The following NEMF variants were observed in gnomAD, a reference collection of about 807,000 sequenced individuals.
NEMF encodes ribosome quality control complex subunit NEMF.
Under a neutral mutation model 162.2 loss-of-function variants are expected in NEMF, and 89 were observed. That is an observed-to-expected ratio of 0.55 (90% confidence interval 0.46 to 0.65). NEMF has a LOEUF of 0.65. Among genes scored for constraint, NEMF ranks in the 30% least tolerant of loss-of-function variants. NEMF has a pLI of 0.00. For missense variants in NEMF, 1,133 were observed against 1,261.9 expected, an observed-to-expected ratio of 0.90 and a Z score of 1.55; for synonymous variants, 421 against 404.5, an observed-to-expected ratio of 1.04 and a Z score of -0.49.
At chr14:49,787,586 G>C (rs4363775) in intron 28 of NEMF, among the ~76,000 whole-genome samples, 147,355 of 152,274 alleles carry the variant, frequency 0.97, 71,496 homozygotes, top group Middle Eastern at 1. Flanking sequence ...ATTCATGACA[G>C]AAGAGCCCTC....
rs528286502 is a variant in NEMF at position 49,838,849 on chromosome 14, G to A, written c.507-643C>T. On this transcript the variant is annotated intron_variant, in intron 5 of 32. Coordinates refer to ENST00000298310, the MANE Select transcript of NEMF (RefSeq NM_004713.6). ...TCCGCCCACCTTGGCCTCCCAAAGC[G>A]GTGGGATTACAGGCGTGAGACACCG... 5.3e-5 allele frequency among the ~76,000 whole-genome samples: 8 copies of A among 152,172 alleles called. No homozygotes were observed. The East Asian group carries it at 7.7e-4, about 15-fold the overall frequency.
chr14:49,790,606 G>T (rs1478315408), intron 26 of NEMF, among the ~76,000 whole-genome samples: 3 of 152,166 alleles, frequency 2.0e-5, no homozygotes, highest in Non-Finnish European at 4.4e-5. Flanking sequence ...CTGATTGACA[G>T]GATCTAATAA....
At chr14:49,800,313 T>A in intron 23 of NEMF, 107 bp downstream of exon 23, 2 of 845,772 alleles carry the variant, frequency 2.4e-6, no homozygotes, top group Non-Finnish European at 1.8e-6. Context: ...ATTAAGACAA[T>A]GGAGTGTAAA....
intron 3 of NEMF, among the ~76,000 whole-genome samples, chr14:49,846,858 A>G (rs2140028035): frequency 6.6e-6 from 1 of 152,332 alleles, no homozygotes; most frequent in South Asian, 2.1e-4. Flanking sequence ...TGTGGTCCTA[A>G]TGACCTCACT....
chr14:49,782,387 G>C lies in NEMF; in HGVS notation c.*2249C>G. 6.2e-7 allele frequency: 1 copy of C among 1,612,520 alleles called. No individual in the cohort carries two copies. Among genetic ancestry groups the C allele is most frequent in the Non-Finnish European group, 8.5e-7 (1 of 1,178,920 alleles). ...AAATGCAGGTTATGGCACACAGCTT[G>C]TGCCAGCGATGAAGGAGAAGTAATT... On this transcript the variant is annotated 3_prime_UTR_variant, in exon 33 of 33. Coordinates refer to ENST00000298310, the MANE Select transcript of NEMF (RefSeq NM_004713.6).
rs534567861 is a variant in NEMF, at chr14:49,819,148, T to C, written c.1578-4291A>G. ...GAAAAGGAGGGTGCGGTAGGGCTGA[T>C]GTAGGTATGTCAAAAACTAACAAGT... On this transcript the variant is annotated intron_variant, in intron 16 of 32. Coordinates refer to ENST00000298310, the MANE Select transcript of NEMF (RefSeq NM_004713.6). 2.1e-3 allele frequency among the ~76,000 whole-genome samples: 319 copies of C among 152,184 alleles called. 1 individual carries two copies. Among genetic ancestry groups the C allele is most frequent in the African/African-American group, 7.5e-3 (310 of 41,524 alleles).
Position 49,828,306 on chromosome 14 carries a change from AAC to A in NEMF, c.1471_1472del (p.Val491Ter). ...RYAAKKTQKTVEAAEKAFKSA... is the reference protein window; with the variant it reads ...RYAAKKTQKTXEAAEKAFKSA... Reference sequence around the variant, plus strand: ...TACTCAGTACCTTCTCAGCAGCTTCAACAGTCTTTTGTGTTTTCTTAGCAGCA... The same window carrying A: ...TACTCAGTACCTTCTCAGCAGCTTCAAGTCTTTTGTGTTTTCTTAGCAGCA... On this transcript the variant is annotated frameshift_variant, in exon 15 of 33. Coordinates refer to ENST00000298310, the MANE Select transcript of NEMF (RefSeq NM_004713.6). LOFTEE classifies it high-confidence loss of function. 1.2e-6 allele frequency: 2 copies of A among 1,605,534 alleles called. No individual in the cohort carries two copies. Among genetic ancestry groups the A allele is most frequent in the Non-Finnish European group, 1.7e-6 (2 of 1,173,634 alleles).
chr14:49,802,432 T>G (rs202141507), intron 22 of NEMF, 21 bp downstream of exon 22: 6 of 1,608,660 alleles, frequency 3.7e-6, no homozygotes, highest in Non-Finnish European at 5.1e-6. Flanking sequence ...ACAAGCTAAT[T>G]TCTTAAAATC....
chr14:49,800,979 C>T (rs1594743184), intron 22 of NEMF: 1 of 339,156 alleles, frequency 2.9e-6, no homozygotes, highest in African/African-American at 2.1e-5. Flanking sequence ...TTGGGTATTT[C>T]CAAAAACCAA....
intron 19 of NEMF, among the ~76,000 whole-genome samples, 196 bp from the exon 20 acceptor site, chr14:49,803,490 A>G (rs1213162739): frequency 1.3e-5 from 2 of 152,110 alleles, no homozygotes; most frequent in African/African-American, 4.8e-5. Context: ...AGTAACAAAG[A>G]AAAAAACAAA....
At chr14:49,820,920 C>T (rs1346760453) in intron 16 of NEMF, among the ~76,000 whole-genome samples, 1 of 151,922 alleles carries the variant, frequency 6.6e-6, no homozygotes, top group Non-Finnish European at 1.5e-5. Context: ...TAACTCAGTG[C>T]TCCCCACCTG....
chr14:49,846,875 C>G (rs1201433207), intron 3 of NEMF, among the ~76,000 whole-genome samples: 9 of 152,106 alleles, frequency 5.9e-5, no homozygotes, highest in Non-Finnish European at 1.5e-5. Flanking sequence ...CACTCATAAG[C>G]CACAACCTTT....
intron 26 of NEMF, among the ~76,000 whole-genome samples, chr14:49,791,371 T>C (rs1242599201): frequency 6.6e-6 from 1 of 152,106 alleles, no homozygotes; most frequent in African/African-American, 2.4e-5. Flanking sequence ...AGCATGAGCC[T>C]TCTGGGATGC....
intron 7 of NEMF, among the ~76,000 whole-genome samples, chr14:49,833,926 T>G (rs528340394): frequency 6.6e-6 from 1 of 152,334 alleles, no homozygotes; most frequent in East Asian, 1.9e-4. Context: ...CACATGCTTT[T>G]GCTCCATATA....
At chr14:49,806,854 AG>A (rs1891241333) in intron 18 of NEMF, among the ~76,000 whole-genome samples, 1 of 152,232 alleles carries the variant, frequency 6.6e-6, no homozygotes, top group African/African-American at 2.4e-5. Flanking sequence ...CCTTATGGTT[AG>A]ATTTCAAATA....
intron 22 of NEMF, chr14:49,801,135 G>A (rs1043189213): frequency 5.6e-5 from 9 of 160,194 alleles, no homozygotes; most frequent in South Asian, 1.8e-4. Context: ...AGGGTCTACT[G>A]CCTCACCTGT....
rs760225357 is a variant in NEMF at position 49,795,884 on chromosome 14, C to A, written c.2526G>T (p.Lys842Asn). ...GTACAGTACTTTCTTTTTCTTTATC[C>A]TTTCCCTCTAACGCTTCTAAATCTC... ...DSGDLEALEG[K>N]DKEKESTVHI... Residue 842 changes from lysine (K) to asparagine (N), a missense_variant, in exon 26 of 33, where the codon AAG becomes AAT. Physicochemically the swap from Lys to Asn is moderately conservative, Grantham distance 94 (BLOSUM62 0). Coordinates refer to ENST00000298310, the MANE Select transcript of NEMF (RefSeq NM_004713.6). The A allele has an allele frequency of 6.2e-7, 1 of 1,613,048 alleles. No individual in the cohort carries two copies. The highest frequency in any genetic ancestry group is 8.5e-7 in the Non-Finnish European group (1 of 1,179,426).
At position 49,829,236 on chromosome 14, in the gene NEMF, G is replaced by C; in HGVS notation, c.1050C>G (p.Leu350=). The part of the protein sequence containing the change: ...AQEIDKLKGE[L]IEMNLQIVDR... ...CAACTATTTGTAGGTTCATTTCTATGAGCTCTCCTTTCAGTTTGTCTATTT... is the reference window on the plus strand; with the variant it reads ...CAACTATTTGTAGGTTCATTTCTATCAGCTCTCCTTTCAGTTTGTCTATTT... The change falls in exon 13 of 33, where the codon CTC becomes CTG. Residue 350 remains leucine, a synonymous_variant. Transcript: ENST00000298310. 2 of 1,614,078 alleles carry C rather than the reference G, an allele frequency of 1.2e-6. No homozygotes were observed. The highest frequency in any genetic ancestry group is 1.3e-5 in the African/African-American group (1 of 75,022).
chr14:49,823,755 T>C (rs1892203007), intron 16 of NEMF, among the ~76,000 whole-genome samples: 1 of 152,152 alleles, frequency 6.6e-6, no homozygotes, highest in Non-Finnish European at 1.5e-5. Context: ...GTATCCAACA[T>C]AATGGATTAA....
Sources: allele counts gnomAD v4.1 joint callset (sites outside exome capture counted in the v4.1 genomes callset), GRCh38; gene constraint gnomAD v4.1.1; transcripts MANE v1.5; gene names NCBI Gene and HGNC (gene_info 2026-07-23, HGNC 2026-07-21).